Variants in PCDHA13 observed in about 807,000 individuals in gnomAD.
PCDHA13 encodes protocadherin alpha-13.
A neutral mutation model predicts 64.8 loss-of-function variants in PCDHA13; 54 were observed. The observed-to-expected ratio is 0.83, with a 90% CI of 0.67 to 1.04. PCDHA13 has a LOEUF of 1.04. Ranked by LOEUF, PCDHA13 falls within the 50% of genes least tolerant of loss-of-function variation. The pLI, the probability that PCDHA13 is intolerant of heterozygous loss-of-function variation, is 0.00. For synonymous variants in PCDHA13, 587 were observed against 564.4 expected (o/e 1.04, Z -0.57); for missense variants, 1,248 against 1,254.3 (o/e 0.99, Z 0.08).
intron 1 of PCDHA13, among the ~76,000 whole-genome samples, chr5:140,933,480 G>A (rs1255769578): frequency 6.6e-6 from 1 of 151,846 alleles, no homozygotes; most frequent in East Asian, 1.9e-4. Context: ...ACACATTATG[G>A]TTATTCTTTA....
chr5:140,889,868 G>A (rs905154258), intron 1 of PCDHA13, among the ~76,000 whole-genome samples: 2 of 152,136 alleles, frequency 1.3e-5, no homozygotes, highest in African/African-American at 4.8e-5. Context: ...TTTGGGGGAA[G>A]CCTGCCACCA....
intron 2 of PCDHA13, among the ~76,000 whole-genome samples, chr5:140,982,129 A>G (rs2153827592): frequency 6.6e-6 from 1 of 152,376 alleles, no homozygotes; most frequent in East Asian, 1.9e-4. Context: ...TTTGAGAACA[A>G]GCCCTCCTCA....
At chr5:140,947,027 A>G (rs554018076) in intron 1 of PCDHA13, among the ~76,000 whole-genome samples, 2 of 151,820 alleles carry the variant, frequency 1.3e-5, no homozygotes, top group African/African-American at 2.4e-5. Context: ...GAGGTAATGG[A>G]TATACTAATT....
chr5:140,970,141 G>T, intron 1 of PCDHA13, among the ~76,000 whole-genome samples: 1 of 152,166 alleles, frequency 6.6e-6, no homozygotes, highest in East Asian at 1.9e-4. Context: ...AAGGGAAAAA[G>T]AATTCTCCCA....
rs1554181434 is a variant in PCDHA13 at position 140,884,323 on chromosome 5, C to G, written c.2055C>G (p.Gly685=). 6.2e-6 allele frequency: 10 copies of G among 1,613,816 alleles called. No homozygotes were observed. The highest frequency in any genetic ancestry group is 8.5e-6 in the Non-Finnish European group (10 of 1,179,868). The change falls in exon 1 of 4, where the codon GGC becomes GGG. Residue 685 remains glycine (G), a synonymous_variant. Transcript: ENST00000289272. ...APQASSRASA[G]AVGPEAALVD... ...AGGCTTCGTCGAGGGCGTCGGCAGGCGCTGTGGGTCCAGAAGCGGCGCTGG... is the reference window on the plus strand; with the variant it reads ...AGGCTTCGTCGAGGGCGTCGGCAGGGGCTGTGGGTCCAGAAGCGGCGCTGG...
At chr5:141,000,595 T>G (rs1438785385) in intron 3 of PCDHA13, among the ~76,000 whole-genome samples, 1 of 150,924 alleles carries the variant, frequency 6.6e-6, no homozygotes, top group African/African-American at 2.4e-5. Context: ...GCCCAGCTAA[T>G]TTTTGTATTT....
intron 1 of PCDHA13, among the ~76,000 whole-genome samples, chr5:140,973,856 C>G (rs1349378315): frequency 6.6e-6 from 1 of 152,166 alleles, no homozygotes; most frequent in Non-Finnish European, 1.5e-5. Context: ...CCAATTTTTG[C>G]TCTCAATGAG....
intron 3 of PCDHA13, among the ~76,000 whole-genome samples, chr5:141,004,385 G>C (rs1388217607): frequency 6.6e-6 from 1 of 152,192 alleles, no homozygotes; most frequent in Non-Finnish European, 1.5e-5. Flanking sequence ...TGCGGAAGCT[G>C]GACATGTGGA....
At chr5:140,925,189 C>A (rs1488098385) in intron 1 of PCDHA13, among the ~76,000 whole-genome samples, 2 of 152,116 alleles carry the variant, frequency 1.3e-5, no homozygotes, top group African/African-American at 4.8e-5. Flanking sequence ...TACCATCACC[C>A]AGCTTCAATA....
chr5:140,999,015 C>G (rs2097843117), intron 3 of PCDHA13, among the ~76,000 whole-genome samples: 1 of 152,280 alleles, frequency 6.6e-6, no homozygotes, highest in East Asian at 1.9e-4. Context: ...GATTTGAACC[C>G]AAGACTTTTG....
intron 1 of PCDHA13, among the ~76,000 whole-genome samples, chr5:140,897,416 T>C (rs1233824796): frequency 6.9e-6 from 1 of 145,554 alleles, no homozygotes; most frequent in African/African-American, 2.5e-5. Flanking sequence ...TCAATTCCCA[T>C]CTATGAGTGA....
chr5:140,972,056 G>A (rs995898254), intron 1 of PCDHA13, among the ~76,000 whole-genome samples: 8 of 152,106 alleles, frequency 5.3e-5, no homozygotes, highest in Non-Finnish European at 1.2e-4. Flanking sequence ...TCACCTAGTC[G>A]TATATATTAA....
chr5:140,983,030 T>C (rs1333101014), intron 3 of PCDHA13, among the ~76,000 whole-genome samples: 1 of 151,922 alleles, frequency 6.6e-6, no homozygotes, highest in African/African-American at 2.4e-5. Context: ...GGAAGATGGT[T>C]TCTCATGGAA....
chr5:140,923,039 A>G (rs998399771), intron 1 of PCDHA13, among the ~76,000 whole-genome samples: 2 of 152,236 alleles, frequency 1.3e-5, no homozygotes, highest in Non-Finnish European at 2.9e-5. Context: ...TACTACATGT[A>G]TAGTATTTAG....
chr5:140,942,280 C>T (rs1157451404), intron 1 of PCDHA13, among the ~76,000 whole-genome samples: 6 of 152,030 alleles, frequency 3.9e-5, no homozygotes, highest in African/African-American at 1.5e-4. Context: ...AATGGTGGCT[C>T]ATGCCTGTAA....
chr5:140,928,177 A>G lies in PCDHA13; in HGVS notation c.2394+43515A>G, dbSNP rs781987562. Reference sequence around the variant, plus strand: ...TGGCTCACCCCCACTTAGCACCCGAAGGACAATCACTGTGTCAGTTGCTGA... The same window carrying G: ...TGGCTCACCCCCACTTAGCACCCGAGGGACAATCACTGTGTCAGTTGCTGA... On this transcript the variant is annotated intron_variant, in intron 1 of 3. Transcript: ENST00000289272. 8.7e-6 allele frequency: 14 copies of G among 1,614,218 alleles called. No homozygotes were observed. The East Asian group carries it at 2.7e-4, about 31-fold the overall frequency.
intron 1 of PCDHA13, among the ~76,000 whole-genome samples, chr5:140,955,465 T>C (rs2095187437): frequency 6.6e-6 from 1 of 152,128 alleles, no homozygotes; most frequent in Non-Finnish European, 1.5e-5. Flanking sequence ...TTTTCCTTTT[T>C]GCTTGGCACC....
chr5:140,961,263 T>A (rs782231630), intron 1 of PCDHA13, among the ~76,000 whole-genome samples: 1 of 152,218 alleles, frequency 6.6e-6, no homozygotes, highest in Non-Finnish European at 1.5e-5. Flanking sequence ...TCCAGGAAGC[T>A]TCTTTTTACC....
intron 1 of PCDHA13, among the ~76,000 whole-genome samples, chr5:140,936,885 T>C (rs1490428437): frequency 6.6e-6 from 1 of 152,238 alleles, no homozygotes; most frequent in Non-Finnish European, 1.5e-5. Context: ...CCTGCTTTGA[T>C]TTTAATTGGC....
Sources: allele counts gnomAD v4.1 joint callset (sites outside exome capture counted in the v4.1 genomes callset), GRCh38; gene constraint gnomAD v4.1.1; transcripts MANE v1.5; gene names NCBI Gene and HGNC (gene_info 2026-07-23, HGNC 2026-07-21).